The following ADARB2 variants were observed in gnomAD, a reference collection of about 807,000 sequenced individuals.
ADARB2 encodes the protein adenosine deaminase RNA specific B2 (inactive).
ADARB2 carries 25 observed loss-of-function variants against 62.2 expected under a neutral mutation model. The ratio of observed to expected loss-of-function variants is 0.40; its 90% confidence interval spans 0.29 to 0.56. The LOEUF (loss-of-function observed/expected upper bound fraction) is 0.56, where lower values mean the gene tolerates loss of function less well. Ranked by LOEUF, ADARB2 falls within the 20% of genes least tolerant of loss-of-function variation. The pLI is 0.43. For missense variants in ADARB2, 1,071 were observed against 1,077.4 expected, an observed-to-expected ratio of 0.99 and a Z score of 0.08; for synonymous variants, 572 against 500.8, an observed-to-expected ratio of 1.14 and a Z score of -1.90.
chr10:1,313,763 G>T (rs144902810), intron 3 of ADARB2, among the ~76,000 whole-genome samples: 20 of 152,324 alleles, frequency 1.3e-4, no homozygotes, highest in African/African-American at 4.8e-4. Flanking sequence ...TGCTTGCACA[G>T]TGCAAACTTC....
In ADARB2 at chr10:1,271,002, G is replaced by C; in HGVS notation, c.1145C>G (p.Pro382Arg). ...CAGCGCTTTATGGCGGGCGTGCATGGGCGTGAGGTCCGTCGTCACCTCGCG... is the reference window on the plus strand; with the variant it reads ...CAGCGCTTTATGGCGGGCGTGCATGCGCGTGAGGTCCGTCGTCACCTCGCG... ...KFREVTTDLT[P>R]MHARHKALAG... The change falls in exon 4 of 10, where the codon CCC (proline) becomes CGC (arginine). Residue 382 changes from proline to arginine, a missense_variant. Coordinates refer to ENST00000381312, the MANE Select transcript of ADARB2 (RefSeq NM_018702.4). 1 of 1,613,452 alleles carries C rather than the reference G, an allele frequency of 6.2e-7. No individual in the cohort carries two copies. Among genetic ancestry groups the C allele is most frequent in the South Asian group, 1.1e-5 (1 of 90,888 alleles).
At position 1,276,352 on chromosome 10, in the gene ADARB2, C is replaced by T. The variant is rs1339197030; in HGVS notation, c.1078-5283G>A. ...ATCCTTCGCCCACTTTTTGATGGGG[C>T]TGTTTGTTTTTTTTCTTGTAGATTT... is the stretch of plus-strand genomic sequence containing the variant. On this transcript the variant is annotated intron_variant, in intron 3 of 9. Transcript: ENST00000381312. Among the ~76,000 whole-genome samples the T allele has an allele frequency of 1.3e-4, 20 of 151,850 alleles. 1 individual carries two copies. The highest frequency in any genetic ancestry group is 1.2e-3 in the Admixed American group (19 of 15,254).
chr10:1,703,269 G>A lies in ADARB2; in HGVS notation c.100+33782C>T, dbSNP rs188693916. 2.6e-5 allele frequency among the ~76,000 whole-genome samples: 4 copies of A among 152,200 alleles called. No homozygotes were observed. In the East Asian group the frequency reaches 7.7e-4, roughly 29 times the overall value. ...AAGGGGGTGGGGGCTGCAGGTTGAA[G>A]GGGCATCCAGGGAACACCTGATGAG... On this transcript the variant is annotated intron_variant, in intron 1 of 9. Coordinates refer to ENST00000381312, the MANE Select transcript of ADARB2 (RefSeq NM_018702.4).
intron 7 of ADARB2, among the ~76,000 whole-genome samples, chr10:1,208,354 T>G (rs1837097275): frequency 6.6e-6 from 1 of 152,220 alleles, no homozygotes; most frequent in Admixed American, 6.5e-5. Flanking sequence ...GTGCTTTCCC[T>G]GGGTGCGTGT....
chr10:1,259,608 T>G (rs574032552), intron 4 of ADARB2, among the ~76,000 whole-genome samples: 2 of 152,190 alleles, frequency 1.3e-5, no homozygotes, highest in East Asian at 1.9e-4. Context: ...AGGAAGAAGT[T>G]GAATCTCTGA....
At chr10:1,221,556 A>G (rs1316615647) in intron 6 of ADARB2, among the ~76,000 whole-genome samples, 1 of 151,744 alleles carries the variant, frequency 6.6e-6, no homozygotes, top group Non-Finnish European at 1.5e-5. Flanking sequence ...TCCTAATGCT[A>G]TCCCTCCCCC....
At chr10:1,245,722 G>T (rs1238520903) in intron 4 of ADARB2, among the ~76,000 whole-genome samples, 1 of 152,150 alleles carries the variant, frequency 6.6e-6, no homozygotes, top group Non-Finnish European at 1.5e-5. Flanking sequence ...CACATTTTCT[G>T]AAACCAGTCT....
At chr10:1,287,896 T>C (rs1244204516) in intron 3 of ADARB2, among the ~76,000 whole-genome samples, 3 of 152,248 alleles carry the variant, frequency 2.0e-5, no homozygotes, top group Admixed American at 2.0e-4. Context: ...ATTTCACAGC[T>C]TGGGTGTGTT....
chr10:1,300,494 C>T lies in ADARB2; in HGVS notation c.1078-29425G>A, dbSNP rs545004440. On this transcript the variant is annotated intron_variant, in intron 3 of 9. Transcript: ENST00000381312. ...CACCTCCTCCTCCACTAATCAATTC[C>T]CCCCATGTGTGCTCCTATAACACTT... Among the ~76,000 whole-genome samples, 10 of 152,304 alleles carry T rather than the reference C, an allele frequency of 6.6e-5. No homozygotes were observed. The South Asian group carries it at 2.1e-3, about 32-fold the overall frequency.
intron 1 of ADARB2, among the ~76,000 whole-genome samples, chr10:1,576,732 C>G (rs150698562): frequency 2.0e-5 from 3 of 152,190 alleles, no homozygotes; most frequent in African/African-American, 7.2e-5. Context: ...AAGCTTTGAG[C>G]CCTGAAACCC....
chr10:1,510,125 T>TTTC (rs1554767651), intron 1 of ADARB2, among the ~76,000 whole-genome samples: 6 of 129,946 alleles, frequency 4.6e-5, no homozygotes, highest in African/African-American at 1.9e-4. Context: ...TCTTTCTTTC[T>TTTC]TTCTTTCTTT....
intron 1 of ADARB2, among the ~76,000 whole-genome samples, chr10:1,586,497 T>A (rs1193476113): frequency 6.6e-6 from 1 of 152,228 alleles, no homozygotes; most frequent in African/African-American, 2.4e-5. Context: ...GGAAGATCAA[T>A]GCAGGCTGGC....
chr10:1,526,406 TGA>T (rs1228593487), intron 1 of ADARB2, among the ~76,000 whole-genome samples: 1 of 151,728 alleles, frequency 6.6e-6, no homozygotes, highest in African/African-American at 2.4e-5. Context: ...TGTTGAAACG[TGA>T]TCCCCAGTGT....
In ADARB2 at chr10:1,398,914, A is replaced by G. The variant is rs1214821374; in HGVS notation, c.101-19754T>C. 6.6e-6 allele frequency among the ~76,000 whole-genome samples: 1 copy of G among 152,182 alleles called. No individual in the cohort carries two copies. Among genetic ancestry groups the G allele is most frequent in the Non-Finnish European group, 1.5e-5 (1 of 68,028 alleles). ...GTCTTGATGGGTAGAGTGGTTTGCC[A>G]GAGAACCACCGAAGAGCCTTCCAGG... On this transcript the variant is annotated intron_variant, in intron 1 of 9. Transcript: ENST00000381312. This position sits in a 1 kb window ranked among gnomAD's most constrained non-coding sequence, Gnocchi z 4.1.
chr10:1,506,675 C>T lies in ADARB2; in HGVS notation c.101-127515G>A, dbSNP rs552794735. On this transcript the variant is annotated intron_variant, in intron 1 of 9. Coordinates refer to ENST00000381312, the MANE Select transcript of ADARB2 (RefSeq NM_018702.4). ...ATGGAGATTCCTACTCTGTTCATCT[C>T]GTAAAAGAGGAAAATTAAATGTAGG... is the stretch of plus-strand genomic sequence containing the variant. 3.7e-4 allele frequency among the ~76,000 whole-genome samples: 56 copies of T among 152,306 alleles called. 1 individual carries two copies. Among genetic ancestry groups the T allele is most frequent in the Non-Finnish European group, 7.4e-4 (50 of 68,026 alleles).
chr10:1,680,929 T>A (rs1303808493), intron 1 of ADARB2, among the ~76,000 whole-genome samples: 1 of 152,192 alleles, frequency 6.6e-6, no homozygotes, highest in East Asian at 1.9e-4. Context: ...ATAATCTTAA[T>A]TGTTCTGGCC....
At chr10:1,637,015 T>G (rs574484447) in intron 1 of ADARB2, among the ~76,000 whole-genome samples, 1 of 152,026 alleles carries the variant, frequency 6.6e-6, no homozygotes, top group African/African-American at 2.4e-5. Flanking sequence ...TTTCTTTTTT[T>G]TCTGAAAAGT....
At chr10:1,464,443 C>T (rs1156449556) in intron 1 of ADARB2, among the ~76,000 whole-genome samples, 1 of 89,218 alleles carries the variant, frequency 1.1e-5, no homozygotes, top group African/African-American at 4.2e-5. Flanking sequence ...GCGGGCAGTG[C>T]ACCGGAGAAG....
At chr10:1,301,931 C>A (rs988274375) in intron 3 of ADARB2, among the ~76,000 whole-genome samples, 2 of 152,210 alleles carry the variant, frequency 1.3e-5, no homozygotes, top group African/African-American at 4.8e-5. Context: ...TCACTACCAC[C>A]TGGAGCCCAC....
Sources: gnomAD v4.1 joint callset for allele counts (sites outside exome capture counted in the v4.1 genomes callset) on GRCh38, gnomAD v4.1.1 for gene constraint, Gnocchi (gnomAD v3.1) non-coding constraint, MANE v1.5 for transcripts, NCBI Gene and HGNC (gene_info 2026-07-23, HGNC 2026-07-21) for gene names.